NR3C2: variants seen among roughly 807,000 people sequenced by gnomAD.
The protein encoded by NR3C2 is mineralocorticoid receptor.
NR3C2 carries 15 observed loss-of-function variants against 86.4 expected under a neutral mutation model. The ratio of observed to expected loss-of-function variants is 0.17; its 90% CI spans 0.12 to 0.27. The LOEUF (loss-of-function observed/expected upper bound fraction) is 0.27. NR3C2 is among the 10% of genes least tolerant of loss of function. NR3C2 has a pLI of 1.00. For synonymous variants in NR3C2, 458 were observed against 450.5 expected (o/e 1.02, Z -0.21); for missense variants, 960 against 1,195.6 (o/e 0.80, Z 2.91).
intron 3 of NR3C2, among the ~76,000 whole-genome samples, chr4:148,198,886 C>G (rs1161428650): frequency 4.0e-5 from 6 of 151,404 alleles, no homozygotes; most frequent in African/African-American, 1.5e-4. Context: ...CGAGACTATC[C>G]TGGCTAACAC....
intron 2 of NR3C2, 65 bp downstream of exon 2, chr4:148,435,039 G>C (rs949779295): frequency 2.5e-5 from 36 of 1,450,332 alleles, no homozygotes; most frequent in African/African-American, 5.6e-5. Flanking sequence ...CAACTGTAAA[G>C]ATAATGCTAA....
chr4:148,242,389 A>G (rs1233662948), intron 3 of NR3C2, among the ~76,000 whole-genome samples: 1 of 152,148 alleles, frequency 6.6e-6, no homozygotes, highest in Non-Finnish European at 1.5e-5. Flanking sequence ...AAATAATTTG[A>G]CTCAGAATCT....
At chr4:148,409,197 T>C (rs1041461468) in intron 2 of NR3C2, among the ~76,000 whole-genome samples, 1 of 152,184 alleles carries the variant, frequency 6.6e-6, no homozygotes, top group Admixed American at 6.5e-5. Flanking sequence ...GGAGAATATG[T>C]GCATTCTCAT....
intron 3 of NR3C2, among the ~76,000 whole-genome samples, chr4:148,205,762 C>T (rs776823715): frequency 1.3e-5 from 2 of 152,112 alleles, no homozygotes; most frequent in Non-Finnish European, 1.5e-5. Context: ...TAACTATTTT[C>T]GCCTCAGAAA....
Position 148,335,993 on chromosome 4 carries a change from T to C in NR3C2, c.1758-75876A>G, listed in dbSNP as rs75549870. Among the ~76,000 whole-genome samples, 1,514 of 152,292 alleles carry C rather than the reference T, an allele frequency of 9.9e-3. 33 individuals carry two copies. Among genetic ancestry groups the C allele is most frequent in the African/African-American group, 0.034 (1,411 of 41,566 alleles). ...TGAGATTGAATAACGTATGAAGTTA[T>C]TGATTTTTGTTTTGTGACCTTCCTC... On this transcript the variant is annotated intron_variant, in intron 2 of 8. Transcript: ENST00000358102.
intron 8 of NR3C2, among the ~76,000 whole-genome samples, chr4:148,083,857 C>T (rs1288580665): frequency 6.6e-6 from 1 of 151,990 alleles, no homozygotes; most frequent in Non-Finnish European, 1.5e-5. Context: ...AAACACAGCA[C>T]AAGAACTTCG....
At chr4:148,261,431 A>G (rs888177147) in intron 2 of NR3C2, among the ~76,000 whole-genome samples, 4 of 152,170 alleles carry the variant, frequency 2.6e-5, no homozygotes, top group African/African-American at 9.6e-5. Context: ...GGTAAGCGCT[A>G]TGGTGCGCTA....
chr4:148,315,104 G>A (rs183812754), intron 2 of NR3C2, among the ~76,000 whole-genome samples: 1 of 152,160 alleles, frequency 6.6e-6, no homozygotes, highest in African/African-American at 2.4e-5. Context: ...TATGTCATGG[G>A]ACCAGAATAG....
In NR3C2 at chr4:148,435,954, T is replaced by C; in HGVS notation, c.907A>G (p.Ile303Val). Residue 303 changes from isoleucine to valine, a missense_variant, in exon 2 of 9, where the codon ATT becomes GTT. By Grantham distance (29) the Ile-to-Val change is conservative (BLOSUM62 3). This residue lies in a region of NR3C2 where 680 missense variants were observed against 719.0 expected (regional missense o/e 0.95). Transcript: ENST00000358102. Reference protein sequence around the residue: ...LRSSVSSPANINNSRCSVSSP... With the variant: ...LRSSVSSPANVNNSRCSVSSP... ...GAAACAGAGCACCTTGAGTTGTTAA[T>C]ATTTGCAGGGCTAGACACAGAGGAT... The C allele has an allele frequency of 6.2e-7, 1 of 1,614,138 alleles. No homozygotes were observed. The highest frequency in any genetic ancestry group is 8.5e-7 in the Non-Finnish European group (1 of 1,180,020).
intron 2 of NR3C2, among the ~76,000 whole-genome samples, chr4:148,284,074 C>T (rs1741391456): frequency 1.3e-5 from 2 of 152,178 alleles, no homozygotes; most frequent in South Asian, 4.1e-4. Flanking sequence ...ACTGCAACAG[C>T]AAAGGGGTGG....
chr4:148,283,450 T>C (rs11099685), intron 2 of NR3C2, among the ~76,000 whole-genome samples: 149,955 of 152,314 alleles, frequency 0.98, 73,857 homozygotes, highest in East Asian at 1. Context: ...ACAAGAGCAA[T>C]GGTGACCCCA....
At chr4:148,419,815 C>A (rs1291213082) in intron 2 of NR3C2, among the ~76,000 whole-genome samples, 1 of 152,126 alleles carries the variant, frequency 6.6e-6, no homozygotes, top group African/African-American at 2.4e-5. Flanking sequence ...TGTTCTCCAC[C>A]AGCTCACAAT....
chr4:148,212,651 A>G (rs554129033), intron 3 of NR3C2, among the ~76,000 whole-genome samples: 2 of 152,374 alleles, frequency 1.3e-5, no homozygotes, highest in Non-Finnish European at 2.9e-5. Flanking sequence ...GAAAATATCT[A>G]AAAGTAAATG....
At chr4:148,093,709 C>G (rs1731156864) in intron 8 of NR3C2, among the ~76,000 whole-genome samples, 1 of 152,062 alleles carries the variant, frequency 6.6e-6, no homozygotes, top group Admixed American at 6.5e-5. Flanking sequence ...CCAGGTGTTC[C>G]AGAAATAGCC....
chr4:148,363,590 G>A (rs952216604), intron 2 of NR3C2, among the ~76,000 whole-genome samples: 3 of 137,756 alleles, frequency 2.2e-5, no homozygotes, highest in South Asian at 2.4e-4. Context: ...TGCAAGCTCC[G>A]CCTCCTGGGT....
chr4:148,347,600 T>G (rs7677409), intron 2 of NR3C2, among the ~76,000 whole-genome samples: 149,627 of 152,186 alleles, frequency 0.98, 73,601 homozygotes, highest in East Asian at 1. Flanking sequence ...CCTCAGTAAA[T>G]GCACCAGTGG....
At chr4:148,222,390 G>A (rs899053101) in intron 3 of NR3C2, among the ~76,000 whole-genome samples, 20 of 152,058 alleles carry the variant, frequency 1.3e-4, no homozygotes, top group African/African-American at 2.2e-4. Context: ...TTCAAAGCCC[G>A]CATTAGCCAA....
intron 3 of NR3C2, among the ~76,000 whole-genome samples, chr4:148,221,969 T>C (rs1015860144): frequency 3.3e-5 from 5 of 151,668 alleles, no homozygotes; most frequent in African/African-American, 1.2e-4. Context: ...ACCTAACTTA[T>C]AAATTTGTGC....
In NR3C2 at chr4:148,102,229, G is replaced by A. The variant is rs530961301; in HGVS notation, c.2799+11875C>T. Among the ~76,000 whole-genome samples the A allele has an allele frequency of 2.3e-4, 35 of 152,146 alleles. No individual in the cohort carries two copies. The East Asian group carries it at 2.9e-3, about 13-fold the overall frequency. Reference sequence around the variant, plus strand: ...CAGTGTTTCCTCTGGACCCTCTTCCGTTCTGTGCCCTCTTCTTGAGCTGCA... The same window carrying A: ...CAGTGTTTCCTCTGGACCCTCTTCCATTCTGTGCCCTCTTCTTGAGCTGCA... On this transcript the variant is annotated intron_variant, in intron 8 of 8. Coordinates refer to ENST00000358102, the MANE Select transcript of NR3C2 (RefSeq NM_000901.5).
Sources: allele counts gnomAD v4.1 joint callset (sites outside exome capture counted in the v4.1 genomes callset), GRCh38; gene constraint gnomAD v4.1.1; regional missense constraint gnomAD v4.1.1; transcripts MANE v1.5; gene names NCBI Gene and HGNC (gene_info 2026-07-23, HGNC 2026-07-21).